The following RNF213 variants were observed in gnomAD, a reference collection of about 807,000 sequenced individuals.
RNF213 encodes the protein E3 ubiquitin-protein ligase RNF213.
In RNF213, 341 loss-of-function variants were observed where a neutral mutation model predicts 514.4. The ratio of observed to expected loss-of-function variants is 0.66; its 90% CI spans 0.61 to 0.73. The LOEUF (loss-of-function observed/expected upper bound fraction) is 0.73, where lower values mean the gene tolerates loss of function less well. RNF213 is among the 30% of genes least tolerant of loss of function. The probability of loss-of-function intolerance (pLI) is 0.00; values close to 1 mark genes in which losing one functional copy is unlikely to be tolerated. For missense variants in RNF213, 5,767 were observed against 6,615.6 expected (o/e 0.87, Z 4.45); for synonymous variants, 2,655 against 2,658.2 (o/e 1.00, Z 0.04).
Position 80,383,030 on chromosome 17 carries a change from G to A in RNF213, c.14030G>A (p.Trp4677Ter), listed in dbSNP as rs61741961. The A allele has an allele frequency of 5.0e-6, 8 of 1,613,812 alleles. No individual in the cohort carries two copies. Among genetic ancestry groups the A allele is most frequent in the Non-Finnish European group, 6.8e-6 (8 of 1,179,856 alleles). The change falls in exon 58 of 68, where the codon TGG (tryptophan) becomes TAG (stop). Residue 4677 changes from tryptophan (W) to a stop codon, truncating the protein, a stop_gained. Coordinates refer to ENST00000582970, the MANE Select transcript of RNF213 (RefSeq NM_001256071.3). LOFTEE classifies it high-confidence loss of function. ...ELSTKEMRNN[W>*]EKEIAAVISP... ...TCAACTAAAGAAATGAGGAACAACT[G>A]GGAAAAGGAAATCGCAGCTGTGATT...
intron 31 of RNF213, among the ~76,000 whole-genome samples, chr17:80,351,037 G>C (rs2078490937): frequency 6.6e-6 from 1 of 152,128 alleles, no homozygotes; most frequent in African/African-American, 2.4e-5. Flanking sequence ...AATTAACTTT[G>C]TGCCTTTATT....
intron 32 of RNF213, chr17:80,352,247 A>G (rs2078549932): frequency 5.1e-6 from 1 of 196,042 alleles, no homozygotes; most frequent in South Asian, 9.6e-5. Flanking sequence ...TAACCTCAAG[A>G]GGATTCTTTC....
At position 80,360,200 on chromosome 17, in the gene RNF213, G is replaced by A. The variant is rs753856975; in HGVS notation, c.11194G>A (p.Ala3732Thr). The change falls in exon 38 of 68, where the codon GCA becomes ACA. Residue 3732 changes from alanine (A) to threonine (T), a missense_variant. By Grantham distance (58) the Ala-to-Thr change is moderately conservative. Transcript: ENST00000582970. ...LWVQAQYITD[A>T]EGLPKKFVDI... is the part of the protein sequence containing the mutation. ...GGTCCAGGCTCAGTACATCACAGAC[G>A]CAGAAGGTGAGGCTACCTCAAGACA... 4 of 1,612,604 alleles carry A rather than the reference G, an allele frequency of 2.5e-6. No individual in the cohort carries two copies. The highest frequency in any genetic ancestry group is 1.7e-5 in the Admixed American group (1 of 59,800).
intron 14 of RNF213, 42 bp from the exon 15 acceptor site, chr17:80,312,970 C>T (rs1568049496): frequency 6.2e-7 from 1 of 1,612,634 alleles, no homozygotes; most frequent in Non-Finnish European, 8.5e-7. Flanking sequence ...AACCTGAGTC[C>T]ACAGCCGAGG....
At chr17:80,340,445 G>C (rs542513870) in intron 26 of RNF213, 89 bp downstream of exon 26, 1 of 1,305,060 alleles carries the variant, frequency 7.7e-7, no homozygotes, top group Admixed American at 2.0e-5. Flanking sequence ...CTGTCTGCAG[G>C]TGGAGAAACC....
chr17:80,303,567 C>CTT (rs61546164), intron 11 of RNF213, among the ~76,000 whole-genome samples: 15 of 130,926 alleles, frequency 1.1e-4, no homozygotes, highest in South Asian at 2.3e-4. Flanking sequence ...CTTTTCTTTT[C>CTT]TTTTTTTTTT....
At chr17:80,366,327 T>C (rs1469184959) in intron 42 of RNF213, among the ~76,000 whole-genome samples, 1 of 152,156 alleles carries the variant, frequency 6.6e-6, no homozygotes, top group Non-Finnish European at 1.5e-5. Context: ...TGTATTGTTT[T>C]CCACGGGGGC....
chr17:80,353,818 G>T lies in RNF213; in HGVS notation c.10578+152G>T, dbSNP rs2078625570. The T allele has an allele frequency of 4.0e-6, 5 of 1,259,980 alleles. No homozygotes were observed. Among genetic ancestry groups the T allele is most frequent in the South Asian group, 2.5e-5 (2 of 79,868 alleles). The allele number at this position is 1,259,980 out of a possible 1,614,324, so 78.1% of individuals were successfully genotyped here. On this transcript the variant is annotated intron_variant, in intron 34 of 67. Coordinates refer to ENST00000582970, the MANE Select transcript of RNF213 (RefSeq NM_001256071.3). This position sits in a 1 kb window ranked among gnomAD's most constrained non-coding sequence, Gnocchi z 5.0. ...ACTTTCCTCACACAGTGACGGTCTT[G>T]TTGCTGGTTACTGGGGGTCAAGGGC...
chr17:80,350,552 G>A (rs11654408), intron 31 of RNF213, among the ~76,000 whole-genome samples, 156 bp downstream of exon 31: 17,945 of 152,152 alleles, frequency 0.12, 1,194 homozygotes, highest in Non-Finnish European at 0.15. Flanking sequence ...GTGGGATTAG[G>A]GAAACTGAAG....
In RNF213 at chr17:80,383,758, A is replaced by T; in HGVS notation, c.14152A>T (p.Ile4718Leu). 6.2e-7 allele frequency: 1 copy of T among 1,614,124 alleles called. No homozygotes were observed. Among genetic ancestry groups the T allele is most frequent in the Non-Finnish European group, 8.5e-7 (1 of 1,180,020 alleles). ...CAGCTCTAACCCTGTGGCCAAAATAATATATGGTGACCCAGTGACCTTCCT... is the reference window on the plus strand; with the variant it reads ...CAGCTCTAACCCTGTGGCCAAAATATTATATGGTGACCCAGTGACCTTCCT... ...RISSNPVAKI[I>L]YGDPVTFLPH... Residue 4718 changes from isoleucine (I) to leucine (L), a missense_variant, in exon 59 of 68, where the codon ATA (isoleucine) becomes TTA (leucine). This residue lies in a region of RNF213 where 1,245 missense variants were observed against 1,339.0 expected (regional missense o/e 0.93). Coordinates refer to ENST00000582970, the MANE Select transcript of RNF213 (RefSeq NM_001256071.3).
At chr17:80,304,695 G>A (rs1345476129) in intron 11 of RNF213, among the ~76,000 whole-genome samples, 2 of 151,910 alleles carry the variant, frequency 1.3e-5, no homozygotes, top group African/African-American at 2.4e-5. Context: ...AATTATTGGG[G>A]TATATCCCTT....
intron 65 of RNF213, 116 bp from the exon 66 acceptor site, chr17:80,389,712 C>T: frequency 1.1e-6 from 1 of 885,338 alleles, no homozygotes; most frequent in South Asian, 1.3e-5. Context: ...CACATTAGTA[C>T]AGGGCAGAAC....
chr17:80,384,650 G>A (rs1160260473), intron 59 of RNF213, among the ~76,000 whole-genome samples: 1 of 152,122 alleles, frequency 6.6e-6, no homozygotes, highest in Non-Finnish European at 1.5e-5. Context: ...TTAGATCCTA[G>A]GTCTTCGGAA....
rs2078626005 is a variant in RNF213, at chr17:80,353,840, G to A, written c.10578+174G>A. On this transcript the variant is annotated intron_variant, in intron 34 of 67. Transcript: ENST00000582970. This position sits in a 1 kb window ranked among gnomAD's most constrained non-coding sequence, Gnocchi z 5.0. The stretch of plus-strand genomic sequence containing the variant: ...CTTGTTGCTGGTTACTGGGGGTCAA[G>A]GGCATCTGCACCGGCAGTTTGGGGG... 2 of 1,201,374 alleles carry A rather than the reference G, an allele frequency of 1.7e-6. No individual in the cohort carries two copies. The highest frequency in any genetic ancestry group is 2.6e-5 in the South Asian group (2 of 77,722). 74.4% of individuals were successfully genotyped at this position (1,201,374 alleles called of 1,614,324 possible).
In RNF213 at chr17:80,393,675, C is replaced by T. The variant is rs563995982; in HGVS notation, c.*177C>T. On this transcript the variant is annotated 3_prime_UTR_variant, in exon 68 of 68. Coordinates refer to ENST00000582970, the MANE Select transcript of RNF213 (RefSeq NM_001256071.3). ...AGCTGACAGCTTTTTGAAAGCCGAG[C>T]TGTTTCTGAACCATGTACATACATG... 147 of 631,514 alleles carry T rather than the reference C, an allele frequency of 2.3e-4. No homozygotes were observed. The African/African-American group carries it at 2.5e-3, about 11-fold the overall frequency. 39.1% of individuals were successfully genotyped at this position (631,514 alleles called of 1,614,324 possible). A position where few individuals can be genotyped will look rare whatever the true frequency, so the allele number is the denominator to read the frequency against.
In RNF213 at chr17:80,332,247, C is replaced by T. The variant is rs1226167358; in HGVS notation, c.3759C>T (p.Ala1253=). 1.2e-5 allele frequency: 18 copies of T among 1,537,078 alleles called. No individual in the cohort carries two copies. The highest frequency in any genetic ancestry group is 7.3e-5 in the East Asian group (3 of 40,932). Residue 1253 remains alanine (A), a synonymous_variant, in exon 21 of 68, where the codon GCC becomes GCT. Coordinates refer to ENST00000582970, the MANE Select transcript of RNF213 (RefSeq NM_001256071.3). Reference sequence around the variant, plus strand: ...GTGAGCCTAAGGAGGACCAGGAAGCCGCAGAGTTGCTGAGTGAGCCCGAAG... The same window carrying T: ...GTGAGCCTAAGGAGGACCAGGAAGCTGCAGAGTTGCTGAGTGAGCCCGAAG... The part of the protein sequence containing the change: ...PLSEPKEDQE[A]AELLSEPEEE...
At chr17:80,351,958 G>C in intron 32 of RNF213, 155 bp downstream of exon 32, 1 of 525,634 alleles carries the variant, frequency 1.9e-6, no homozygotes, top group Non-Finnish European at 3.5e-6. Context: ...GGGTTCAAGC[G>C]ATTCTCCTGC....
Position 80,383,729 on chromosome 17 carries a change from G to C in RNF213, c.14123G>C (p.Arg4708Pro). The change falls in exon 59 of 68, where the codon CGT becomes CCT. Residue 4708 changes from arginine to proline, a missense_variant. Coordinates refer to ENST00000582970, the MANE Select transcript of RNF213 (RefSeq NM_001256071.3). ...AATAATCTCATCAGCCAAGATAAGC[G>C]TATCAGCTCTAACCCTGTGGCCAAA... ...TMNNLISQDK[R>P]ISSNPVAKII... The C allele has an allele frequency of 1.9e-6, 3 of 1,613,718 alleles. No individual in the cohort carries two copies. Among genetic ancestry groups the C allele is most frequent in the South Asian group, 1.1e-5 (1 of 91,058 alleles).
rs781419424 is a variant in RNF213 at position 80,289,639 on chromosome 17, G to A, written c.934-20G>A. On this transcript the variant is annotated intron_variant, in intron 5 of 67. Coordinates refer to ENST00000582970, the MANE Select transcript of RNF213 (RefSeq NM_001256071.3). ...TGTGGAGGCCGGCCTTCAAGGTCAG[G>A]GTTTGGTTCCTTGTTCCAGGAAGCT... 9 of 1,613,310 alleles carry A rather than the reference G, an allele frequency of 5.6e-6. No individual in the cohort carries two copies. Among genetic ancestry groups the A allele is most frequent in the Non-Finnish European group, 7.6e-6 (9 of 1,179,848 alleles).
Sources: allele counts gnomAD v4.1 joint callset (sites outside exome capture counted in the v4.1 genomes callset), GRCh38; gene constraint gnomAD v4.1.1; regional missense constraint gnomAD v4.1.1; non-coding constraint Gnocchi (gnomAD v3.1); transcripts MANE v1.5; gene names NCBI Gene and HGNC (gene_info 2026-07-23, HGNC 2026-07-21).